PLEKHF2: variants seen among roughly 807,000 people sequenced by gnomAD.
PLEKHF2 encodes the protein pleckstrin homology domain-containing family F member 2.
In PLEKHF2, 4 loss-of-function variants were observed where a neutral mutation model predicts 14.7. The ratio of observed to expected loss-of-function variants is 0.27; its 90% CI spans 0.13 to 0.62. The LOEUF (loss-of-function observed/expected upper bound fraction) is 0.62, where lower values mean the gene tolerates loss of function less well. Among genes scored for constraint, PLEKHF2 ranks in the 20% least tolerant of loss-of-function variants. The pLI is 0.85. For synonymous variants in PLEKHF2, 90 were observed against 103.5 expected, an observed-to-expected ratio of 0.87 and a Z score of 0.79; for missense variants, 201 against 307.7, an observed-to-expected ratio of 0.65 and a Z score of 2.60.
At chr8:95,135,356 G>A (rs13278942) in intron 1 of PLEKHF2, among the ~76,000 whole-genome samples, 19,283 of 152,124 alleles carry the variant, frequency 0.13, 1,555 homozygotes, top group Non-Finnish European at 0.17. Context: ...TACAGCTTCT[G>A]CTCATATTTG....
chr8:95,147,101 T>G (rs1475222630), intron 1 of PLEKHF2, among the ~76,000 whole-genome samples: 1 of 152,094 alleles, frequency 6.6e-6, no homozygotes, highest in Non-Finnish European at 1.5e-5. Context: ...CTCAAAACTG[T>G]GAAGATGTTA....
At chr8:95,146,428 G>A (rs774347196) in intron 1 of PLEKHF2, among the ~76,000 whole-genome samples, 2 of 151,474 alleles carry the variant, frequency 1.3e-5, no homozygotes, top group African/African-American at 2.4e-5. Context: ...GAGATAAGAA[G>A]TATTGATTTC....
At chr8:95,151,054 C>T (rs534728334) in intron 1 of PLEKHF2, among the ~76,000 whole-genome samples, 1 of 152,090 alleles carries the variant, frequency 6.6e-6, no homozygotes, top group African/African-American at 2.4e-5. Flanking sequence ...AGAGTTCATT[C>T]CAGGTTAAGT....
chr8:95,147,304 G>A (rs1457089029), intron 1 of PLEKHF2, among the ~76,000 whole-genome samples: 1 of 152,006 alleles, frequency 6.6e-6, no homozygotes, highest in Non-Finnish European at 1.5e-5. Flanking sequence ...AAATTAGACT[G>A]TCTGGGGGAA....
intron 1 of PLEKHF2, among the ~76,000 whole-genome samples, chr8:95,150,837 T>C (rs1810553778): frequency 6.6e-6 from 1 of 152,154 alleles, no homozygotes; most frequent in South Asian, 2.1e-4. Context: ...ACAATTAGTG[T>C]ACCATAACAT....
intron 1 of PLEKHF2, among the ~76,000 whole-genome samples, chr8:95,143,938 G>T (rs995156343): frequency 6.6e-6 from 1 of 152,162 alleles, no homozygotes. Flanking sequence ...AGCCCACGGG[G>T]TGCATGTAGC....
intron 1 of PLEKHF2, among the ~76,000 whole-genome samples, chr8:95,153,356 C>T (rs1372991272): frequency 6.6e-6 from 1 of 152,090 alleles, no homozygotes; most frequent in Non-Finnish European, 1.5e-5. Context: ...GTAGAGTGTT[C>T]TTAGAATATG....
chr8:95,154,059 G>A lies in PLEKHF2; in HGVS notation c.15G>A (p.Leu5=). Reference sequence around the variant, plus strand: ...ATTAGTGAAAGATGGTGGATCGCTTGGCAAACAGTGAAGCAAATACTAGAC... The same window carrying A: ...ATTAGTGAAAGATGGTGGATCGCTTAGCAAACAGTGAAGCAAATACTAGAC... MVDR[L]ANSEANTRRI... Residue 5 remains leucine (L), a synonymous_variant, in exon 2 of 2, where the codon TTG becomes TTA. Transcript: ENST00000315367. This position sits in a 1 kb window ranked among gnomAD's most constrained non-coding sequence, Gnocchi z 5.6. 1 of 1,582,130 alleles carries A rather than the reference G, an allele frequency of 6.3e-7. No individual in the cohort carries two copies. The highest frequency in any genetic ancestry group is 1.2e-5 in the South Asian group (1 of 85,498).
chr8:95,152,332 A>G (rs1243878353), intron 1 of PLEKHF2, among the ~76,000 whole-genome samples: 1 of 152,088 alleles, frequency 6.6e-6, no homozygotes, highest in Non-Finnish European at 1.5e-5. Context: ...ATATATCTCT[A>G]TGCACGTGAG....
At position 95,155,959 on chromosome 8, in the gene PLEKHF2, A is replaced by C. The variant is rs534267639; in HGVS notation, c.*1165A>C. On this transcript the variant is annotated 3_prime_UTR_variant, in exon 2 of 2. Coordinates refer to ENST00000315367, the MANE Select transcript of PLEKHF2 (RefSeq NM_024613.4). The stretch of plus-strand genomic sequence containing the variant: ...ATTTCTATTTTTGTAAAACAATTGT[A>C]TGTATAATCTGTATTTGAAATCATT... 1 of 167,064 alleles carries C rather than the reference A, an allele frequency of 6.0e-6. No homozygotes were observed. Among genetic ancestry groups the C allele is most frequent in the Admixed American group, 6.5e-5 (1 of 15,276 alleles). 10.3% of individuals were successfully genotyped at this position (167,064 alleles called of 1,614,324 possible).
intron 1 of PLEKHF2, among the ~76,000 whole-genome samples, chr8:95,148,549 G>T (rs1204008136): frequency 1.3e-5 from 2 of 152,022 alleles, no homozygotes; most frequent in African/African-American, 4.8e-5. Context: ...CTTAGAATAG[G>T]TAAAAATTTA....
intron 1 of PLEKHF2, 68 bp from the exon 2 acceptor site, chr8:95,153,963 T>G: frequency 8.5e-7 from 1 of 1,181,744 alleles, no homozygotes; most frequent in Non-Finnish European, 1.1e-6. Context: ...TTAGCTTAAT[T>G]TATATATAAT....
chr8:95,144,696 G>A (rs1810476708), intron 1 of PLEKHF2, among the ~76,000 whole-genome samples: 1 of 151,928 alleles, frequency 6.6e-6, no homozygotes, highest in African/African-American at 2.4e-5. Flanking sequence ...ATGAAACCTT[G>A]TCTCTACTAA....
chr8:95,146,752 A>G (rs919008267), intron 1 of PLEKHF2, among the ~76,000 whole-genome samples: 7 of 152,104 alleles, frequency 4.6e-5, no homozygotes, highest in Admixed American at 4.6e-4. Flanking sequence ...TTCTGCTCTA[A>G]TTTTTACGTT....
chr8:95,148,325 G>A (rs1810523489), intron 1 of PLEKHF2, among the ~76,000 whole-genome samples: 1 of 151,874 alleles, frequency 6.6e-6, no homozygotes, highest in Non-Finnish European at 1.5e-5. Flanking sequence ...TTTCTGATAT[G>A]CCAGAGACTA....
At chr8:95,150,064 G>T (rs1810539873) in intron 1 of PLEKHF2, among the ~76,000 whole-genome samples, 1 of 151,938 alleles carries the variant, frequency 6.6e-6, no homozygotes. Flanking sequence ...CATTATTTGG[G>T]GTATCTAGCT....
At chr8:95,151,357 CT>C (rs1212007651) in intron 1 of PLEKHF2, among the ~76,000 whole-genome samples, 1 of 146,910 alleles carries the variant, frequency 6.8e-6, no homozygotes, top group Non-Finnish European at 1.5e-5. Flanking sequence ...GAAATAGATC[CT>C]TTCAGTTTTT....
chr8:95,138,949 A>G (rs1810409107), intron 1 of PLEKHF2, among the ~76,000 whole-genome samples: 1 of 152,240 alleles, frequency 6.6e-6, no homozygotes, highest in African/African-American at 2.4e-5. Flanking sequence ...TAAACTTTCT[A>G]AAGCATTTCT....
At chr8:95,138,436 AAG>A in intron 1 of PLEKHF2, among the ~76,000 whole-genome samples, 2 of 136,698 alleles carry the variant, frequency 1.5e-5, no homozygotes, top group East Asian at 4.5e-4. Flanking sequence ...GTTGGGGAAA[AAG>A]AAAGATTTTT....
Sources: gnomAD v4.1 joint callset for allele counts (sites outside exome capture counted in the v4.1 genomes callset) on GRCh38, gnomAD v4.1.1 for gene constraint, Gnocchi (gnomAD v3.1) non-coding constraint, MANE v1.5 for transcripts, NCBI Gene and HGNC (gene_info 2026-07-23, HGNC 2026-07-21) for gene names.